The following CACNA1C variants were observed in gnomAD, a reference collection of about 807,000 sequenced individuals.
CACNA1C encodes the protein calcium voltage-gated channel subunit alpha1 C, also known as voltage-dependent L-type calcium channel subunit alpha-1C.
CACNA1C carries 30 observed loss-of-function variants against 229.0 expected under a neutral mutation model. The observed-to-expected ratio is 0.13, with a 90% CI of 0.10 to 0.18. The LOEUF (loss-of-function observed/expected upper bound fraction) is 0.18, where lower values mean the gene tolerates loss of function less well. Ranked by LOEUF, CACNA1C falls within the 10% of genes least tolerant of loss-of-function variation. The probability of loss-of-function intolerance (pLI) is 1.00; values close to 1 mark genes in which losing one functional copy is unlikely to be tolerated. For synonymous variants in CACNA1C, 1,114 were observed against 1,132.5 expected (o/e 0.98, Z 0.33); for missense variants, 1,658 against 2,845.0 (o/e 0.58, Z 9.49).
At chr12:2,021,122 T>C (rs1485895502) in intron 1 of CACNA1C, among the ~76,000 whole-genome samples, 1 of 152,220 alleles carries the variant, frequency 6.6e-6, no homozygotes, top group Non-Finnish European at 1.5e-5. Flanking sequence ...CATTTCTTAA[T>C]CAACTGCCTT....
intron 3 of CACNA1C, among the ~76,000 whole-genome samples, chr12:2,256,527 A>C (rs1375105238): frequency 6.6e-6 from 1 of 152,162 alleles, no homozygotes; most frequent in East Asian, 1.9e-4. Flanking sequence ...AAAAGCTATA[A>C]TCCTGGCCCC....
At chr12:2,483,280 A>C (rs1324066142) in intron 5 of CACNA1C, among the ~76,000 whole-genome samples, 1 of 152,242 alleles carries the variant, frequency 6.6e-6, no homozygotes, top group Non-Finnish European at 1.5e-5. Context: ...GTTTACCTGC[A>C]GGTGACAGGG....
intron 1 of CACNA1C, among the ~76,000 whole-genome samples, chr12:2,071,214 C>T (rs2061232402): frequency 7.0e-6 from 1 of 142,318 alleles, no homozygotes; most frequent in South Asian, 2.4e-4. Flanking sequence ...GCCTGCCTTC[C>T]TCCTTCCCTT....
At chr12:2,366,963 G>A (rs578131944) in intron 3 of CACNA1C, among the ~76,000 whole-genome samples, 1 of 152,262 alleles carries the variant, frequency 6.6e-6, no homozygotes, top group Non-Finnish European at 1.5e-5. Context: ...CTCACTTACT[G>A]TCATGAGAAC....
chr12:2,149,546 T>C (rs28435407), intron 3 of CACNA1C, among the ~76,000 whole-genome samples: 16,341 of 152,146 alleles, frequency 0.11, 2,617 homozygotes, highest in African/African-American at 0.35. Context: ...CAGTAGAGAG[T>C]GGGCTACTGA....
intron 38 of CACNA1C, among the ~76,000 whole-genome samples, chr12:2,671,129 C>T (rs1048649702): frequency 2.0e-5 from 3 of 151,878 alleles, no homozygotes; most frequent in Non-Finnish European, 2.9e-5. Flanking sequence ...ATTCTCCTGC[C>T]TCAGCCTCTC....
chr12:2,486,410 G>A lies in CACNA1C; in HGVS notation c.916+148G>A, dbSNP rs2099697577. The A allele has an allele frequency of 1.7e-6, 1 of 590,186 alleles. No individual in the cohort carries two copies. The highest frequency in any genetic ancestry group is 2.8e-6 in the Non-Finnish European group (1 of 359,148). The allele number at this position is 590,186 out of a possible 1,614,324, so 36.6% of individuals were successfully genotyped here. A position where few individuals can be genotyped will look rare whatever the true frequency, so the allele number is the denominator to read the frequency against. On this transcript the variant is annotated intron_variant, in intron 6 of 46. Coordinates refer to ENST00000399655, the MANE Select transcript of CACNA1C (RefSeq NM_000719.7). This position sits in a 1 kb window ranked among gnomAD's most constrained non-coding sequence, Gnocchi z 4.9. ...CACACTGGGCATGGTTAAGTGAGAG[G>A]CAGAGACCCGTATCCTTTTTTTCTC...
intron 3 of CACNA1C, among the ~76,000 whole-genome samples, chr12:2,396,980 C>A (rs996237239): frequency 6.6e-6 from 1 of 152,264 alleles, no homozygotes; most frequent in Non-Finnish European, 1.5e-5. Context: ...ACTGTTTAGC[C>A]TGTTAGTAGT....
chr12:2,451,807 G>A (rs990560998), intron 4 of CACNA1C, among the ~76,000 whole-genome samples: 2 of 152,232 alleles, frequency 1.3e-5, no homozygotes, highest in Admixed American at 6.5e-5. Flanking sequence ...ATCCAGTTGT[G>A]TGCTCCTGTT....
At chr12:2,526,116 A>G (rs968234963) in intron 9 of CACNA1C, among the ~76,000 whole-genome samples, 1 of 152,112 alleles carries the variant, frequency 6.6e-6, no homozygotes, top group Non-Finnish European at 1.5e-5. Flanking sequence ...TTCTTTCTAT[A>G]TCCTGGTACC....
At chr12:2,641,876 A>C in intron 30 of CACNA1C, 1 of 672,346 alleles carries the variant, frequency 1.5e-6, no homozygotes, top group Non-Finnish European at 2.7e-6. Flanking sequence ...CCCTTGAGAG[A>C]GTTAGCAGAG....
At chr12:2,662,429 T>A (rs889939895) in intron 34 of CACNA1C, among the ~76,000 whole-genome samples, 5 of 152,180 alleles carry the variant, frequency 3.3e-5, no homozygotes, top group African/African-American at 9.7e-5. Flanking sequence ...TCCCTCTATA[T>A]CAGCAGCAAA....
intron 30 of CACNA1C, among the ~76,000 whole-genome samples, chr12:2,641,099 C>T (rs216028): frequency 1 from 152,342 of 152,348 alleles, 76,168 homozygotes; most frequent in Middle Eastern, 1. Context: ...CTGCCCATAG[C>T]TGTGATGAGG....
chr12:2,125,914 A>T (rs1303211457), intron 3 of CACNA1C, among the ~76,000 whole-genome samples: 1 of 152,268 alleles, frequency 6.6e-6, no homozygotes, highest in African/African-American at 2.4e-5. Context: ...TTAGCAAAGC[A>T]CACTCACACT....
chr12:2,477,987 A>T (rs983194726), intron 5 of CACNA1C, among the ~76,000 whole-genome samples: 5 of 152,044 alleles, frequency 3.3e-5, no homozygotes, highest in Non-Finnish European at 7.4e-5. Context: ...AAATGTAAGT[A>T]CAGGTGTGGA....
chr12:2,229,636 G>C (rs1330796473), intron 3 of CACNA1C, among the ~76,000 whole-genome samples: 2 of 152,140 alleles, frequency 1.3e-5, no homozygotes, highest in Non-Finnish European at 2.9e-5. Flanking sequence ...GATGAGGGAA[G>C]GCCTCCGCAG....
intron 3 of CACNA1C, among the ~76,000 whole-genome samples, chr12:2,265,945 G>A (rs1033969955): frequency 3.3e-5 from 5 of 152,208 alleles, no homozygotes; most frequent in Admixed American, 1.3e-4. Flanking sequence ...GCCCCCCTGC[G>A]CTCCACGCTC....
chr12:2,202,696 A>G (rs2097623984), intron 3 of CACNA1C, among the ~76,000 whole-genome samples: 4 of 152,142 alleles, frequency 2.6e-5, no homozygotes, highest in Admixed American at 2.0e-4. Flanking sequence ...GACTTGCTTC[A>G]CGTGGGAAGG....
chr12:2,529,739 A>T (rs1007705688), intron 9 of CACNA1C, among the ~76,000 whole-genome samples: 1 of 152,210 alleles, frequency 6.6e-6, no homozygotes, highest in Non-Finnish European at 1.5e-5. Flanking sequence ...TGATTATCCC[A>T]TGATGTTTTT....
Sources: allele counts gnomAD v4.1 joint callset (sites outside exome capture counted in the v4.1 genomes callset), GRCh38; gene constraint gnomAD v4.1.1; non-coding constraint Gnocchi (gnomAD v3.1); transcripts MANE v1.5; gene names NCBI Gene and HGNC (gene_info 2026-07-23, HGNC 2026-07-21).